The following OOEP variants were observed in gnomAD, a reference collection of about 807,000 sequenced individuals.
The protein encoded by OOEP is oocyte-expressed protein homolog.
Under a neutral mutation model 13.7 loss-of-function variants are expected in OOEP, and 16 were observed. That is an observed-to-expected ratio of 1.16 (90% CI 0.79 to 1.77). OOEP has a LOEUF of 1.77. Among genes scored for constraint, OOEP ranks in the 40% most tolerant of loss-of-function variants. The pLI, the probability that OOEP is intolerant of heterozygous loss-of-function variation, is 0.00. For synonymous variants in OOEP, 89 were observed against 77.1 expected (o/e 1.15, Z -0.81); for missense variants, 195 against 193.1 (o/e 1.01, Z -0.06).
At chr6:73,390,168 G>C (rs1769327892) in intron 2 of OOEP, among the ~76,000 whole-genome samples, 1 of 151,590 alleles carries the variant, frequency 6.6e-6, no homozygotes, top group South Asian at 2.1e-4. Flanking sequence ...CACAGGGAAA[G>C]AAAAAAAGAA....
chr6:73,389,702 G>A (rs1229295401), intron 2 of OOEP, among the ~76,000 whole-genome samples: 2 of 147,662 alleles, frequency 1.4e-5, no homozygotes, highest in Non-Finnish European at 3.0e-5. Flanking sequence ...TGTGGGGTGG[G>A]GGGAGGGGGG....
chr6:73,388,126 C>G (rs898690190), intron 2 of OOEP, among the ~76,000 whole-genome samples: 2 of 152,222 alleles, frequency 1.3e-5, no homozygotes, highest in Admixed American at 6.5e-5. Flanking sequence ...ATCTGTCCGC[C>G]TCGGCCTCCC....
Position 73,369,620 on chromosome 6 carries a change from A to C in OOEP, c.173T>G (p.Leu58Arg). 1 of 1,613,796 alleles carries C rather than the reference A, an allele frequency of 6.2e-7. No individual in the cohort carries two copies. The highest frequency in any genetic ancestry group is 8.5e-7 in the Non-Finnish European group (1 of 1,179,696). ...DPLVFYLEAWLADELFGPDRA... is the reference protein window; with the variant it reads ...DPLVFYLEAWRADELFGPDRA... Reference sequence around the variant, plus strand: ...TCGCTCACCAAAGAGCTCGTCTGCCAGCCATGCCTCTAGGTAGAACACCAA... The same window carrying C: ...TCGCTCACCAAAGAGCTCGTCTGCCCGCCATGCCTCTAGGTAGAACACCAA... The change falls in exon 1 of 3, where the codon CTG (leucine) becomes CGG (arginine). Residue 58 changes from leucine to arginine, a missense_variant. Physicochemically the swap from Leu to Arg is moderately radical, Grantham distance 102. Transcript: ENST00000370359.
chr6:73,376,831 T>C (rs764856603), intron 2 of OOEP, among the ~76,000 whole-genome samples: 16 of 152,184 alleles, frequency 1.1e-4, no homozygotes, highest in Non-Finnish European at 2.4e-4. Context: ...TTTGTATTTT[T>C]AGTAGAGAAG....
In OOEP at chr6:73,369,852, C is replaced by A; in HGVS notation, c.-60G>T. The A allele has an allele frequency of 6.7e-7, 1 of 1,492,858 alleles. No individual in the cohort carries two copies. The highest frequency in any genetic ancestry group is 9.2e-7 in the Non-Finnish European group (1 of 1,088,732). 92.5% of individuals were successfully genotyped at this position (1,492,858 alleles called of 1,614,324 possible). The stretch of plus-strand genomic sequence containing the variant: ...GGCTTTCGCAAGACCTCTTCCAGAC[C>A]CAGGCGCGAAGCTCGGGCTCTCTTT... On this transcript the variant is annotated 5_prime_UTR_variant, in exon 1 of 3. Transcript: ENST00000370359.
upstream of OOEP, among the ~76,000 whole-genome samples, chr6:73,371,192 CCT>C (rs1769048411): frequency 6.6e-6 from 1 of 152,186 alleles, no homozygotes; most frequent in Non-Finnish European, 1.5e-5. Context: ...GTTTTCTGCC[CCT>C]GATCCCACCC....
At chr6:73,392,473 T>C (rs1253915951) in intron 2 of OOEP, among the ~76,000 whole-genome samples, 2 of 151,860 alleles carry the variant, frequency 1.3e-5, no homozygotes, top group Non-Finnish European at 2.9e-5. Flanking sequence ...CCTGGCTAAT[T>C]TTTTGTATTT....
upstream of OOEP, chr6:73,373,346 A>G: frequency 7.4e-7 from 1 of 1,345,882 alleles, no homozygotes; most frequent in Non-Finnish European, 1.1e-6. Flanking sequence ...CTTTTTTGAG[A>G]CAGGGTCTCA....
chr6:73,373,776 G>A (rs761535636), upstream of OOEP, among the ~76,000 whole-genome samples: 4 of 151,290 alleles, frequency 2.6e-5, no homozygotes, highest in Non-Finnish European at 5.9e-5. Flanking sequence ...TTTACTAGAG[G>A]TGGAGTTTCA....
At chr6:73,394,622 G>T (rs1769419087) in intron 1 of OOEP, 1 of 320,880 alleles carries the variant, frequency 3.1e-6, no homozygotes, top group Non-Finnish European at 5.9e-6. Context: ...ACAGTGGGGG[G>T]GTGGGGGGCG....
Position 73,385,611 on chromosome 6 carries a change from G to A in OOEP, c.25+8735C>T, listed in dbSNP as rs573521302. Among the ~76,000 whole-genome samples, 835 of 141,710 alleles carry A rather than the reference G, an allele frequency of 5.9e-3. 4 individuals carry two copies. Among genetic ancestry groups the A allele is most frequent in the African/African-American group, 0.021 (789 of 38,388 alleles). 93.0% of individuals were successfully genotyped at this position (141,710 alleles called of 152,430 possible). A position where few individuals can be genotyped will look rare whatever the true frequency, so the allele number is the denominator to read the frequency against. On this transcript the variant is annotated intron_variant, in intron 2 of 3. Coordinates refer to the OOEP transcript ENST00000370363. ...AAAAGCTCTCTTTTTTTTTTTTTTC[G>A]GAGTCTCACTCTATTGACTAGGCTG...
chr6:73,390,787 GA>G (rs764131581), intron 2 of OOEP, among the ~76,000 whole-genome samples: 2 of 150,098 alleles, frequency 1.3e-5, no homozygotes, highest in Non-Finnish European at 3.0e-5. Context: ...TTTTAGTAGA[GA>G]GGGGGGTATC....
chr6:73,373,837 C>G (rs1769097679), upstream of OOEP, among the ~76,000 whole-genome samples: 1 of 152,126 alleles, frequency 6.6e-6, no homozygotes, highest in African/African-American at 2.4e-5. Flanking sequence ...GATCTACCCA[C>G]CTCGGCCTCC....
exon 1 of OOEP, chr6:73,394,871 C>G (rs768859135): frequency 2.5e-6 from 4 of 1,607,340 alleles, no homozygotes; most frequent in Non-Finnish European, 3.4e-6. Flanking sequence ...CAGAGCTGGA[C>G]GGCAACGACG....
chr6:73,382,533 A>C (rs1262167014), intron 2 of OOEP, among the ~76,000 whole-genome samples: 1 of 151,250 alleles, frequency 6.6e-6, no homozygotes, highest in African/African-American at 2.4e-5. Context: ...GCTAATTTTT[A>C]AATTTTTTGT....
At chr6:73,374,708 G>T (rs552036204), upstream of OOEP, among the ~76,000 whole-genome samples, 1 of 151,252 alleles carries the variant, frequency 6.6e-6, no homozygotes, top group Non-Finnish European at 1.5e-5. Flanking sequence ...GACATGAGCC[G>T]TGCCCAGCCT....
chr6:73,394,666 G>T (rs542680517), intron 1 of OOEP: 3 of 596,590 alleles, frequency 5.0e-6, no homozygotes, highest in Admixed American at 6.1e-5. Context: ...ACACTCCCAC[G>T]GTTCAGAAAA....
exon 1 of OOEP, chr6:73,394,912 C>T (rs747072965): frequency 5.6e-6 from 9 of 1,614,030 alleles, no homozygotes; most frequent in Non-Finnish European, 7.6e-6. Flanking sequence ...AACAATGTCC[C>T]ACCACGGAGG....
chr6:73,384,893 C>T (rs1339887808), intron 2 of OOEP, among the ~76,000 whole-genome samples: 3 of 151,858 alleles, frequency 2.0e-5, no homozygotes, highest in Admixed American at 1.3e-4. Context: ...CGTGCCACCA[C>T]GTCTGGGTAA....
Sources: allele counts gnomAD v4.1 joint callset (sites outside exome capture counted in the v4.1 genomes callset), GRCh38; gene constraint gnomAD v4.1.1; transcripts MANE v1.5; gene names NCBI Gene and HGNC (gene_info 2026-07-23, HGNC 2026-07-21).